Variants in GRM7 observed in about 807,000 individuals in gnomAD.
GRM7 encodes glutamate metabotropic receptor 7.
A neutral mutation model predicts 84.5 loss-of-function variants in GRM7; 35 were observed. That is an observed-to-expected ratio of 0.41 (90% CI 0.32 to 0.55). The LOEUF (loss-of-function observed/expected upper bound fraction) is 0.55. Ranked by LOEUF, GRM7 falls within the 20% of genes least tolerant of loss-of-function variation. The pLI is 0.19. For missense variants in GRM7, 1,003 were observed against 1,194.6 expected, an observed-to-expected ratio of 0.84 and a Z score of 2.36; for synonymous variants, 487 against 455.1, an observed-to-expected ratio of 1.07 and a Z score of -0.89.
intron 4 of GRM7, among the ~76,000 whole-genome samples, chr3:7,406,943 G>GA (rs907210626): frequency 2.6e-5 from 4 of 152,138 alleles, no homozygotes; most frequent in African/African-American, 9.7e-5. Flanking sequence ...TTAGTAGAGG[G>GA]AAAAAAGATA....
intron 5 of GRM7, among the ~76,000 whole-genome samples, chr3:7,446,522 G>A (rs1250548266): frequency 6.1e-5 from 9 of 147,410 alleles, no homozygotes; most frequent in East Asian, 2.0e-4. Flanking sequence ...GTGTAGTGGC[G>A]CGATCTCAGC....
chr3:7,671,697 T>C (rs752285874), intron 8 of GRM7, among the ~76,000 whole-genome samples: 5 of 151,540 alleles, frequency 3.3e-5, no homozygotes, highest in Admixed American at 6.6e-5. Flanking sequence ...CTGGCATCTA[T>C]TCAAAGTTAA....
chr3:7,500,504 C>G (rs924222730), intron 7 of GRM7, among the ~76,000 whole-genome samples: 1 of 152,212 alleles, frequency 6.6e-6, no homozygotes, highest in East Asian at 1.9e-4. Context: ...AGCATTGAAC[C>G]TGACCTTATC....
At chr3:7,057,723 T>C (rs1697277554) in intron 1 of GRM7, among the ~76,000 whole-genome samples, 1 of 151,914 alleles carries the variant, frequency 6.6e-6, no homozygotes, top group Non-Finnish European at 1.5e-5. Context: ...GCTGGAGAAA[T>C]GGAGGCTCAA....
intron 4 of GRM7, among the ~76,000 whole-genome samples, chr3:7,410,571 C>CAA (rs200197427): frequency 2.7e-4 from 37 of 139,100 alleles, no homozygotes; most frequent in African/African-American, 9.0e-4. Context: ...GACCCTGTCT[C>CAA]AAAAAAACAA....
At chr3:7,316,171 GCA>G (rs1236300075) in intron 4 of GRM7, among the ~76,000 whole-genome samples, 1 of 152,124 alleles carries the variant, frequency 6.6e-6, no homozygotes, top group Non-Finnish European at 1.5e-5. Flanking sequence ...GTGAGCCGGA[GCA>G]CAGTGAGGAA....
At chr3:6,980,886 T>A (rs532558547) in intron 1 of GRM7, among the ~76,000 whole-genome samples, 1 of 152,190 alleles carries the variant, frequency 6.6e-6, no homozygotes, top group Non-Finnish European at 1.5e-5. Context: ...GGTGAGATGA[T>A]CCCTCCTCAT....
chr3:7,639,265 G>A (rs998103746), intron 8 of GRM7, among the ~76,000 whole-genome samples: 3 of 152,156 alleles, frequency 2.0e-5, no homozygotes, highest in African/African-American at 7.2e-5. Context: ...CTCTCTCTGT[G>A]AGTTATCTGT....
intron 3 of GRM7, among the ~76,000 whole-genome samples, chr3:7,302,887 A>C (rs1347568093): frequency 2.0e-5 from 3 of 151,334 alleles, no homozygotes; most frequent in Non-Finnish European, 2.9e-5. Flanking sequence ...ATACATTATC[A>C]AAGTGGTATC....
intron 8 of GRM7, among the ~76,000 whole-genome samples, chr3:7,630,354 A>G (rs1048597207): frequency 4.6e-5 from 7 of 152,146 alleles, no homozygotes; most frequent in Admixed American, 6.5e-5. Context: ...CCCAGCTGTC[A>G]CAGTATTTTC....
intron 8 of GRM7, among the ~76,000 whole-genome samples, chr3:7,606,259 T>TG (rs1696563478): frequency 6.6e-6 from 1 of 151,792 alleles, no homozygotes; most frequent in African/African-American, 2.4e-5. Flanking sequence ...TAGCTCCTCT[T>TG]TTTTTTTATA....
At chr3:7,477,313 A>G (rs942596261) in intron 7 of GRM7, among the ~76,000 whole-genome samples, 1 of 152,098 alleles carries the variant, frequency 6.6e-6, no homozygotes, top group Non-Finnish European at 1.5e-5. Context: ...GTCTTACTAG[A>G]TCTTACTAAA....
chr3:7,597,465 C>T (rs142362675), intron 8 of GRM7, among the ~76,000 whole-genome samples: 2 of 152,160 alleles, frequency 1.3e-5, no homozygotes, highest in African/African-American at 4.8e-5. Context: ...GTAGACCACA[C>T]AAAAACCGGC....
chr3:6,966,672 A>G (rs1199498395), intron 1 of GRM7, among the ~76,000 whole-genome samples: 2 of 152,228 alleles, frequency 1.3e-5, no homozygotes, highest in Non-Finnish European at 2.9e-5. Flanking sequence ...AGAAAGTTCC[A>G]AATGTTGCCA....
chr3:7,421,183 T>G (rs1696377900), intron 5 of GRM7, among the ~76,000 whole-genome samples: 1 of 152,190 alleles, frequency 6.6e-6, no homozygotes, highest in African/African-American at 2.4e-5. Context: ...TCAATAAATT[T>G]TGTAAAGGCA....
intron 1 of GRM7, among the ~76,000 whole-genome samples, chr3:6,890,043 A>G (rs1432080121): frequency 6.6e-6 from 1 of 151,932 alleles, no homozygotes; most frequent in Non-Finnish European, 1.5e-5. Context: ...GTATTCTCTG[A>G]TGGTAGTTTG....
chr3:7,438,908 G>T (rs1160282053), intron 5 of GRM7, among the ~76,000 whole-genome samples: 2 of 152,170 alleles, frequency 1.3e-5, no homozygotes, highest in East Asian at 3.9e-4. Flanking sequence ...GAGTTTAATT[G>T]TAGACATGTT....
chr3:7,114,074 A>T (rs1692949380), intron 1 of GRM7, among the ~76,000 whole-genome samples: 1 of 152,182 alleles, frequency 6.6e-6, no homozygotes, highest in South Asian at 2.1e-4. Flanking sequence ...TGAAATTTTT[A>T]AAATCAGCTG....
At chr3:7,104,529 A>G (rs1699232160) in intron 1 of GRM7, among the ~76,000 whole-genome samples, 1 of 151,830 alleles carries the variant, frequency 6.6e-6, no homozygotes, top group Non-Finnish European at 1.5e-5. Flanking sequence ...CGCTACAGAA[A>G]TAACTCTCAA....
Sources: gnomAD v4.1 joint callset for allele counts (sites outside exome capture counted in the v4.1 genomes callset) on GRCh38, gnomAD v4.1.1 for gene constraint, MANE v1.5 for transcripts, NCBI Gene and HGNC (gene_info 2026-07-23, HGNC 2026-07-21) for gene names.